The following CHP1 variants were observed in gnomAD, a reference collection of about 807,000 sequenced individuals.
CHP1 encodes calcineurin like EF-hand protein 1, also known as calcineurin B homologous protein 1.
Under a neutral mutation model 27.4 loss-of-function variants are expected in CHP1, and 11 were observed. The ratio of observed to expected loss-of-function variants is 0.40; its 90% CI spans 0.25 to 0.67. The LOEUF (loss-of-function observed/expected upper bound fraction) is 0.67, where lower values mean the gene tolerates loss of function less well. Ranked by LOEUF, CHP1 falls within the 30% of genes least tolerant of loss-of-function variation. The probability of loss-of-function intolerance (pLI) is 0.38; values close to 1 mark genes in which losing one functional copy is unlikely to be tolerated. For synonymous variants in CHP1, 89 were observed against 87.4 expected (o/e 1.02, Z -0.10); for missense variants, 169 against 251.3 (o/e 0.67, Z 2.22).
intron 1 of CHP1, among the ~76,000 whole-genome samples, chr15:41,241,060 C>T (rs1196450792): frequency 6.6e-6 from 1 of 152,110 alleles, no homozygotes; most frequent in East Asian, 1.9e-4. Flanking sequence ...GCCATGTTGG[C>T]CAGGATGGTC....
chr15:41,255,379 GA>G (rs1035023929), intron 2 of CHP1, among the ~76,000 whole-genome samples: 36 of 152,298 alleles, frequency 2.4e-4, no homozygotes, highest in African/African-American at 8.2e-4. Flanking sequence ...AATACTTATT[GA>G]AAAATTGGGG....
intron 1 of CHP1, among the ~76,000 whole-genome samples, chr15:41,232,748 C>T (rs2047258423): frequency 6.6e-6 from 1 of 152,142 alleles, no homozygotes; most frequent in East Asian, 1.9e-4. Context: ...CTTCATCATA[C>T]TTGTCTTTGA....
chr15:41,274,111 C>T lies in CHP1; in HGVS notation c.411+3493C>T, dbSNP rs192438161. 2.2e-3 allele frequency among the ~76,000 whole-genome samples: 331 copies of T among 152,082 alleles called. 3 individuals are homozygous for T. The highest frequency in any genetic ancestry group is 7.6e-3 in the African/African-American group (316 of 41,514). ...GAGTAGCTGGGACTATAGGCACCTG[C>T]CACCACGCCTGGCTAATTTTTGTAT... On this transcript the variant is annotated intron_variant, in intron 5 of 6. Coordinates refer to ENST00000334660, the MANE Select transcript of CHP1 (RefSeq NM_007236.5).
intron 5 of CHP1, among the ~76,000 whole-genome samples, chr15:41,273,518 A>C (rs1213657716): frequency 6.6e-6 from 1 of 151,948 alleles, no homozygotes; most frequent in African/African-American, 2.4e-5. Context: ...TGTAGCTGGG[A>C]TTATAGGCAT....
chr15:41,271,254 CAA>C (rs143070752), intron 5 of CHP1, among the ~76,000 whole-genome samples: 17,404 of 75,080 alleles, frequency 0.23, 1,180 homozygotes, highest in Non-Finnish European at 0.28. Flanking sequence ...GATTCCGTCT[CAA>C]AAAAAAAAAA....
intron 2 of CHP1, among the ~76,000 whole-genome samples, chr15:41,248,119 T>G (rs2047345761): frequency 6.6e-6 from 1 of 152,102 alleles, no homozygotes. Context: ...ATCTATGATG[T>G]GCCAGACACT....
intron 5 of CHP1, chr15:41,272,357 T>G (rs2047493981): frequency 6.6e-6 from 1 of 152,132 alleles, no homozygotes; most frequent in Admixed American, 6.6e-5. Flanking sequence ...TCAATAAAGA[T>G]AGTTACTCTT....
intron 5 of CHP1, among the ~76,000 whole-genome samples, chr15:41,275,016 C>G (rs1358732004): frequency 6.6e-6 from 1 of 152,042 alleles, no homozygotes; most frequent in Non-Finnish European, 1.5e-5. Flanking sequence ...TCTCCAACTC[C>G]TGACCTCGTC....
In CHP1 at chr15:41,281,004, G is replaced by GT. The variant is rs1005866798; in HGVS notation, c.*1616dup. 1.4e-4 allele frequency: 21 copies of GT among 151,708 alleles called. No individual in the cohort carries two copies. Among genetic ancestry groups the GT allele is most frequent in the African/African-American group, 5.1e-4 (21 of 41,286 alleles). 9.4% of individuals were successfully genotyped at this position (151,708 alleles called of 1,614,324 possible). On this transcript the variant is annotated 3_prime_UTR_variant, in exon 7 of 7. Coordinates refer to ENST00000334660, the MANE Select transcript of CHP1 (RefSeq NM_007236.5). Reference sequence around the variant, plus strand: ...CTCCCAAGTAGCTGGGATTACAGACGTGTGCCACCATACCTGGGTAATTTT... The same window carrying GT: ...CTCCCAAGTAGCTGGGATTACAGACGTTGTGCCACCATACCTGGGTAATTTT...
chr15:41,242,534 G>T (rs942203089), intron 1 of CHP1, among the ~76,000 whole-genome samples: 2 of 151,856 alleles, frequency 1.3e-5, no homozygotes, highest in Non-Finnish European at 1.5e-5. Context: ...CACGAGAATC[G>T]CTTGAACCCA....
At chr15:41,273,916 G>A (rs1241130526) in intron 5 of CHP1, among the ~76,000 whole-genome samples, 1 of 151,352 alleles carries the variant, frequency 6.6e-6, no homozygotes, top group Non-Finnish European at 1.5e-5. Context: ...TCTCCAGCCT[G>A]GGCGACAGAG....
intron 2 of CHP1, among the ~76,000 whole-genome samples, chr15:41,252,108 G>A (rs913600139): frequency 3.2e-4 from 49 of 151,602 alleles, no homozygotes; most frequent in African/African-American, 1.2e-3. Flanking sequence ...TGTCATTTCA[G>A]TGTTAATAAA....
At chr15:41,270,734 C>G in intron 5 of CHP1, 116 bp downstream of exon 5, 1 of 790,948 alleles carries the variant, frequency 1.3e-6, no homozygotes. Flanking sequence ...GTGCAGAGTC[C>G]TGTCCTGGTT....
At chr15:41,235,093 C>G (rs997710490) in intron 1 of CHP1, among the ~76,000 whole-genome samples, 1 of 152,140 alleles carries the variant, frequency 6.6e-6, no homozygotes, top group Non-Finnish European at 1.5e-5. Context: ...TTCTTTCAGA[C>G]TTCTGCATTT....
intron 5 of CHP1, among the ~76,000 whole-genome samples, chr15:41,271,371 T>A (rs1238510224): frequency 6.6e-6 from 1 of 151,644 alleles, no homozygotes; most frequent in Non-Finnish European, 1.5e-5. Context: ...GAGGTTGCAG[T>A]GAGCCAAGAT....
intron 5 of CHP1, among the ~76,000 whole-genome samples, chr15:41,271,726 C>T (rs1352606449): frequency 3.3e-5 from 5 of 152,168 alleles, no homozygotes; most frequent in Non-Finnish European, 5.9e-5. Context: ...GATGAAATTA[C>T]TCAGGGCAGA....
chr15:41,236,282 G>T (rs987501423), intron 1 of CHP1, among the ~76,000 whole-genome samples: 1 of 151,896 alleles, frequency 6.6e-6, no homozygotes, highest in African/African-American at 2.4e-5. Context: ...TATTTTTTCA[G>T]ACAGGGTCTT....
intron 1 of CHP1, among the ~76,000 whole-genome samples, chr15:41,243,461 G>A (rs1425370495): frequency 6.6e-6 from 1 of 152,120 alleles, no homozygotes; most frequent in East Asian, 1.9e-4. Context: ...CTTCATTCCT[G>A]GGATTGAATT....
chr15:41,274,238 C>A (rs1030104084), intron 5 of CHP1, among the ~76,000 whole-genome samples: 2 of 152,046 alleles, frequency 1.3e-5, no homozygotes, highest in African/African-American at 2.4e-5. Context: ...GGATTACAGG[C>A]ATGAGCCACC....
Sources: gnomAD v4.1 joint callset for allele counts (sites outside exome capture counted in the v4.1 genomes callset) on GRCh38, gnomAD v4.1.1 for gene constraint, MANE v1.5 for transcripts, NCBI Gene and HGNC (gene_info 2026-07-23, HGNC 2026-07-21) for gene names.